The following TMEM179 variants were observed in gnomAD, a reference collection of about 807,000 sequenced individuals.
TMEM179 encodes transmembrane protein 179A.
In TMEM179, 17 loss-of-function variants were observed where a neutral mutation model predicts 22.2. That is an observed-to-expected ratio of 0.77 (90% CI 0.52 to 1.15). The LOEUF is 1.15. Ranked by LOEUF, TMEM179 falls within the 50% of genes most tolerant of loss-of-function variation. The pLI is 0.00. For missense variants in TMEM179, 265 were observed against 313.6 expected, an observed-to-expected ratio of 0.84 and a Z score of 1.17; for synonymous variants, 127 against 140.5, an observed-to-expected ratio of 0.90 and a Z score of 0.68.
chr14:104,602,888 C>G (rs1339631544), intron 1 of TMEM179, among the ~76,000 whole-genome samples: 4 of 152,224 alleles, frequency 2.6e-5, no homozygotes, highest in African/African-American at 9.6e-5. Context: ...CCCCTGGTAC[C>G]CGTGACTGTG....
chr14:104,598,487 C>T (rs1204457542), intron 1 of TMEM179, among the ~76,000 whole-genome samples: 1 of 152,266 alleles, frequency 6.6e-6, no homozygotes, highest in African/African-American at 2.4e-5. Context: ...CATCCGAACT[C>T]GGCAGCTGCT....
intron 1 of TMEM179, among the ~76,000 whole-genome samples, chr14:104,603,868 G>A (rs1887326621): frequency 6.7e-6 from 1 of 149,822 alleles, no homozygotes; most frequent in Non-Finnish European, 1.5e-5. Context: ...GAGGAGGAAG[G>A]CGCTGAGCCC....
intron 1 of TMEM179, among the ~76,000 whole-genome samples, chr14:104,602,986 A>T (rs1887290175): frequency 6.6e-6 from 1 of 152,222 alleles, no homozygotes; most frequent in East Asian, 1.9e-4. Flanking sequence ...CCCTGAATCC[A>T]GTGACTGGTG....
At chr14:104,594,981 GCTCTCCCCCAC>G in intron 3 of TMEM179, 173 bp downstream of exon 3, 1 of 1,396,948 alleles carries the variant, frequency 7.2e-7, no homozygotes, top group Non-Finnish European at 9.4e-7. Context: ...CAAAAGCCCA[GCTCTCCCCCAC>G]CTCCTGCAGG....
At chr14:104,594,880 C>CCCCCCCCCCCCCCCT in intron 3 of TMEM179, 1 of 1,322,946 alleles carries the variant, frequency 7.6e-7, no homozygotes, top group Non-Finnish European at 9.6e-7. Context: ...CCACCTCCCC[C>CCCCCCCCCCCCCCCT]CACACCCCCA....
chr14:104,595,522 C>T lies in TMEM179; in HGVS notation c.444-279G>A, dbSNP rs1257524888. ...GCCTCTGCCCTCCTGGACCCTCTGCCCCCCATGCCCCACACTCTGAGGATC... is the reference window on the plus strand; with the variant it reads ...GCCTCTGCCCTCCTGGACCCTCTGCTCCCCATGCCCCACACTCTGAGGATC... On this transcript the variant is annotated intron_variant, in intron 2 of 3. Transcript: ENST00000556573. This position sits in a 1 kb window ranked among gnomAD's most constrained non-coding sequence, Gnocchi z 5.7. 6.6e-6 allele frequency among the ~76,000 whole-genome samples: 1 copy of T among 152,166 alleles called. No homozygotes were observed. The highest frequency in any genetic ancestry group is 2.4e-5 in the African/African-American group (1 of 41,446).
rs536773690 is a variant in TMEM179, at chr14:104,593,449, C to T, written c.*30G>A. On this transcript the variant is annotated 3_prime_UTR_variant, in exon 4 of 4. Coordinates refer to ENST00000556573, the MANE Select transcript of TMEM179 (RefSeq NM_001286389.2). ...GTGCCCCCGAGCGCAGCAGGGAGGT[C>T]GGGGCCAGCTCCCCCTGCCTGCACT... 1.1e-5 allele frequency: 17 copies of T among 1,535,910 alleles called. No homozygotes were observed. Among genetic ancestry groups the T allele is most frequent in the East Asian group, 7.3e-5 (3 of 40,904 alleles).
At position 104,593,136 on chromosome 14, in the gene TMEM179, G is replaced by A. The variant is rs900049969; in HGVS notation, c.*343C>T. 2.7e-6 allele frequency: 1 copy of A among 375,344 alleles called. No homozygotes were observed. Among genetic ancestry groups the A allele is most frequent in the African/African-American group, 2.1e-5 (1 of 48,294 alleles). The allele number at this position is 375,344 out of a possible 1,614,324, so 23.3% of individuals were successfully genotyped here. ...ATGGAGACAGCATCCGGCCAGGGTT[G>A]GGGGAGACAAGCTGGACGCCCTCCA... On this transcript the variant is annotated 3_prime_UTR_variant, in exon 4 of 4. Coordinates refer to ENST00000556573, the MANE Select transcript of TMEM179 (RefSeq NM_001286389.2).
chr14:104,596,751 G>A (rs540541047), intron 2 of TMEM179, among the ~76,000 whole-genome samples: 4 of 152,286 alleles, frequency 2.6e-5, no homozygotes, highest in African/African-American at 7.2e-5. Context: ...AGGGATGATC[G>A]CTCTTGTGTG....
Position 104,593,320 on chromosome 14 carries a change from C to T in TMEM179, c.*159G>A, listed in dbSNP as rs1043491612. 7.1e-6 allele frequency: 6 copies of T among 849,152 alleles called. No homozygotes were observed. The highest frequency in any genetic ancestry group is 9.1e-6 in the Non-Finnish European group (5 of 550,102). The allele number at this position is 849,152 out of a possible 1,614,324, so 52.6% of individuals were successfully genotyped here. A position where few individuals can be genotyped will look rare whatever the true frequency, so the allele number is the denominator to read the frequency against. ...CCACTGCCAGGCTCACAGGTGGGCA[C>T]TGGGGCGCTCACCTCACTACACGTG... On this transcript the variant is annotated 3_prime_UTR_variant, in exon 4 of 4. Coordinates refer to ENST00000556573, the MANE Select transcript of TMEM179 (RefSeq NM_001286389.2).
intron 1 of TMEM179, among the ~76,000 whole-genome samples, chr14:104,600,617 T>TTTAC (rs781167431): frequency 5.4e-5 from 8 of 147,256 alleles, no homozygotes; most frequent in African/African-American, 1.7e-4. Flanking sequence ...CATTTACTCA[T>TTTAC]TCATTCATTC....
At position 104,595,906 on chromosome 14, in the gene TMEM179, G is replaced by A. The variant is rs991588303; in HGVS notation, c.444-663C>T. Among the ~76,000 whole-genome samples, 6 of 152,260 alleles carry A rather than the reference G, an allele frequency of 3.9e-5. No individual in the cohort carries two copies. The highest frequency in any genetic ancestry group is 1.9e-4 in the East Asian group (1 of 5,194). ...GGGTGCCAGAAAGAGGGGGCCCAGCGGCCCCAAATCCCTGGAGGGGCTGAA... is the reference window on the plus strand; with the variant it reads ...GGGTGCCAGAAAGAGGGGGCCCAGCAGCCCCAAATCCCTGGAGGGGCTGAA... On this transcript the variant is annotated intron_variant, in intron 2 of 3. Transcript: ENST00000556573. This position sits in a 1 kb window ranked among gnomAD's most constrained non-coding sequence, Gnocchi z 5.7.
intron 1 of TMEM179, among the ~76,000 whole-genome samples, chr14:104,603,853 G>A (rs1385140677): frequency 1.3e-5 from 2 of 152,192 alleles, no homozygotes. Flanking sequence ...GAAAATGCAG[G>A]CCAGGAGGAG....
chr14:104,593,736 G>A lies in TMEM179; in HGVS notation c.523-78C>T. 4 of 1,404,924 alleles carry A rather than the reference G, an allele frequency of 2.8e-6. No homozygotes were observed. The East Asian group carries it at 1.0e-4, about 36-fold the overall frequency. 87.0% of individuals were successfully genotyped at this position (1,404,924 alleles called of 1,614,324 possible). A position where few individuals can be genotyped will look rare whatever the true frequency, so the allele number is the denominator to read the frequency against. ...GCAACCCCCTCCCACCAGCCCCCAG[G>A]CTCTGCTCTGCAGGGAAAGGACAGG... On this transcript the variant is annotated intron_variant, in intron 3 of 3. Coordinates refer to ENST00000556573, the MANE Select transcript of TMEM179 (RefSeq NM_001286389.2).
rs1386952216 is a variant in TMEM179, at chr14:104,595,437, G to A, written c.444-194C>T. On this transcript the variant is annotated intron_variant, in intron 2 of 3. Transcript: ENST00000556573. This position sits in a 1 kb window ranked among gnomAD's most constrained non-coding sequence, Gnocchi z 5.7. ...TCCATGGAGCAGGACAGCCTTTGGG[G>A]AAGGAAACCTCCAGGCCCCTCCCTG... is the stretch of plus-strand genomic sequence containing the variant. Among the ~76,000 whole-genome samples, 1 of 152,156 alleles carries A rather than the reference G, an allele frequency of 6.6e-6. No homozygotes were observed. The highest frequency in any genetic ancestry group is 1.5e-5 in the Non-Finnish European group (1 of 68,024).
In TMEM179 at chr14:104,591,607, C is replaced by A; in HGVS notation, c.*1872G>T. On this transcript the variant is annotated 3_prime_UTR_variant, in exon 4 of 4. Transcript: ENST00000556573. ...AGCCTCGATCCCCCTGGACTTGACA[C>A]CCCCGATGGGCACCTGCCAGCCTCA... 5.7e-6 allele frequency: 2 copies of A among 352,312 alleles called. No individual in the cohort carries two copies. The highest frequency in any genetic ancestry group is 2.1e-5 in the South Asian group (1 of 47,970). The allele number at this position is 352,312 out of a possible 1,614,324, so 21.8% of individuals were successfully genotyped here.
chr14:104,594,209 T>C (rs1886940005), intron 3 of TMEM179: 1 of 1,231,904 alleles, frequency 8.1e-7, no homozygotes, highest in Admixed American at 4.2e-5. Context: ...AAATTAGGCC[T>C]GAGGCCTCTT....
intron 1 of TMEM179, among the ~76,000 whole-genome samples, chr14:104,601,149 A>G (rs1307561544): frequency 6.6e-6 from 1 of 152,112 alleles, no homozygotes; most frequent in African/African-American, 2.4e-5. Flanking sequence ...CTGGACCAAC[A>G]ATTGAGTTGG....
Position 104,591,892 on chromosome 14 carries a change from G to A in TMEM179, c.*1587C>T, listed in dbSNP as rs755838053. On this transcript the variant is annotated 3_prime_UTR_variant, in exon 4 of 4. Coordinates refer to ENST00000556573, the MANE Select transcript of TMEM179 (RefSeq NM_001286389.2). ...CCGGGTGGGGAGGCCCCCCGCCTCC[G>A]CCCCCGCCCCAGAACGAGTCCTCTG... is the stretch of plus-strand genomic sequence containing the variant. 1.1e-5 allele frequency: 2 copies of A among 177,622 alleles called. No individual in the cohort carries two copies. The highest frequency in any genetic ancestry group is 2.4e-5 in the Non-Finnish European group (2 of 83,346). 11.0% of individuals were successfully genotyped at this position (177,622 alleles called of 1,614,324 possible).
Sources: allele counts gnomAD v4.1 joint callset (sites outside exome capture counted in the v4.1 genomes callset), GRCh38; gene constraint gnomAD v4.1.1; non-coding constraint Gnocchi (gnomAD v3.1); transcripts MANE v1.5; gene names NCBI Gene and HGNC (gene_info 2026-07-23, HGNC 2026-07-21).